Variants in ZBBX observed in about 807,000 individuals in gnomAD.
The protein encoded by ZBBX is zinc finger B-box domain-containing protein 1.
Under a neutral mutation model 108.5 loss-of-function variants are expected in ZBBX, and 101 were observed. The ratio of observed to expected loss-of-function variants is 0.93; its 90% CI spans 0.79 to 1.10. The LOEUF is 1.10. Ranked by LOEUF, ZBBX falls within the 50% of genes least tolerant of loss-of-function variation. ZBBX has a pLI of 0.00. For synonymous variants in ZBBX, 356 were observed against 323.4 expected (o/e 1.10, Z -1.08); for missense variants, 1,009 against 941.4 (o/e 1.07, Z -0.94).
At chr3:167,185,677 T>A in the ZBBX span, among the ~76,000 whole-genome samples, 1 of 152,110 alleles carries the variant, frequency 6.6e-6, no homozygotes, top group Non-Finnish European at 1.5e-5. Context: ...TTAATATCAT[T>A]CACAACCTTG....
chr3:167,204,704 G>A, the ZBBX span, among the ~76,000 whole-genome samples: 5 of 151,234 alleles, frequency 3.3e-5, no homozygotes, highest in African/African-American at 2.4e-5. Context: ...ATAAACATAC[G>A]TGTGCATGTG....
At chr3:167,184,151 T>C in the ZBBX span, among the ~76,000 whole-genome samples, 1 of 152,308 alleles carries the variant, frequency 6.6e-6, no homozygotes, top group East Asian at 1.9e-4. Flanking sequence ...TGAATACCCA[T>C]AGGAGAAACA....
the ZBBX span, among the ~76,000 whole-genome samples, chr3:167,203,482 T>C: frequency 6.6e-6 from 1 of 152,148 alleles, no homozygotes; most frequent in Non-Finnish European, 1.5e-5. Flanking sequence ...TGTGTATGTG[T>C]ACGTATGCTA....
chr3:167,351,811 G>T (rs1387200022), intron 8 of ZBBX, among the ~76,000 whole-genome samples: 1 of 152,114 alleles, frequency 6.6e-6, no homozygotes, highest in Non-Finnish European at 1.5e-5. Flanking sequence ...GGGGAAGCTG[G>T]GTGTTCTCAT....
chr3:167,304,482 G>T (rs1733274536), intron 17 of ZBBX, among the ~76,000 whole-genome samples: 1 of 152,118 alleles, frequency 6.6e-6, no homozygotes, highest in Admixed American at 6.6e-5. Context: ...TTATTTTGTG[G>T]AATCTATTGT....
intron 9 of ZBBX, among the ~76,000 whole-genome samples, chr3:167,348,294 A>AAG (rs1741889496): frequency 3.2e-5 from 2 of 63,458 alleles, no homozygotes; most frequent in African/African-American, 6.9e-5. Context: ...AAGGAAGGAA[A>AAG]GAAGAAAGAG....
chr3:167,316,291 T>C (rs1220716019), intron 14 of ZBBX, among the ~76,000 whole-genome samples: 1 of 152,112 alleles, frequency 6.6e-6, no homozygotes, highest in African/African-American at 2.4e-5. Flanking sequence ...AGCAGAAGCT[T>C]TCAACCTAAA....
upstream of ZBBX, among the ~76,000 whole-genome samples, chr3:167,383,516 T>C (rs1223171268): frequency 6.6e-6 from 1 of 152,058 alleles, no homozygotes; most frequent in Non-Finnish European, 1.5e-5. Flanking sequence ...AAAAGAAACT[T>C]AGAGTTAAGA....
rs1746356232 is a variant in ZBBX, at chr3:167,372,849, A to C, written c.53T>G (p.Val18Gly). Residue 18 changes from valine (V) to glycine (G), a missense_variant, in exon 4 of 22, where the codon GTA becomes GGA. Transcript: ENST00000675490. ...VLPWGKPGNSVKLKYRNAQEL... is the reference protein window; with the variant it reads ...VLPWGKPGNSGKLKYRNAQEL... ...ATGAACTCACCTATATTTTAGCTTT[A>C]CAGAATTTCCAGGTTTTCCCCATGG... The C allele has an allele frequency of 2.5e-6, 4 of 1,574,058 alleles. No homozygotes were observed. The highest frequency in any genetic ancestry group is 1.7e-6 in the Non-Finnish European group (2 of 1,148,854).
chr3:167,333,165 C>A (rs1738953837), intron 10 of ZBBX, among the ~76,000 whole-genome samples: 1 of 151,786 alleles, frequency 6.6e-6, no homozygotes, highest in African/African-American at 2.4e-5. Flanking sequence ...TAACTTCAAC[C>A]CAGACTTGGT....
rs778052769 is a variant in ZBBX at position 167,350,202 on chromosome 3, T to G, written c.528+218A>C. Among the ~76,000 whole-genome samples the G allele has an allele frequency of 1.5e-4, 23 of 152,056 alleles. 1 individual carries two copies. The highest frequency in any genetic ancestry group is 1.2e-3 in the Admixed American group (19 of 15,246). ...TAATCTGAAGACTCTAAGCTGTTTCTGCAACTACGTTAAAACAGTTTAAAT... is the reference window on the plus strand; with the variant it reads ...TAATCTGAAGACTCTAAGCTGTTTCGGCAACTACGTTAAAACAGTTTAAAT... On this transcript the variant is annotated intron_variant, in intron 9 of 21. Coordinates refer to ENST00000675490, the MANE Select transcript of ZBBX (RefSeq NM_001199201.2).
the ZBBX span, among the ~76,000 whole-genome samples, chr3:167,200,820 T>G: frequency 6.6e-6 from 1 of 152,138 alleles, no homozygotes; most frequent in Non-Finnish European, 1.5e-5. Context: ...CATCAAAGTG[T>G]GCCACAAAAG....
intron 12 of ZBBX, among the ~76,000 whole-genome samples, chr3:167,319,648 A>G (rs1736085274): frequency 6.6e-6 from 1 of 152,042 alleles, no homozygotes; most frequent in Non-Finnish European, 1.5e-5. Flanking sequence ...AGATAAAAGC[A>G]TGACACACAA....
chr3:167,404,248 A>G lies in ZBBX; in HGVS notation c.-446+3478T>C, dbSNP rs565536543. 1.6e-3 allele frequency among the ~76,000 whole-genome samples: 249 copies of G among 152,340 alleles called. 1 individual carries two copies. The highest frequency in any genetic ancestry group is 3.3e-3 in the South Asian group (16 of 4,824). ...AAATACATAATATTTCTAAGTGTGC[A>G]TGCTACTTATAATAGAGCTTAAAAG... On this transcript the variant is annotated intron_variant, in intron 1 of 21. Transcript: ENST00000455345.
At chr3:167,289,395 A>G (rs1427321604) in intron 18 of ZBBX, among the ~76,000 whole-genome samples, 1 of 152,160 alleles carries the variant, frequency 6.6e-6, no homozygotes, top group Non-Finnish European at 1.5e-5. Flanking sequence ...TGCATTTCCA[A>G]CTGAGGTACA....
chr3:167,338,686 A>C (rs1739997339), intron 9 of ZBBX, among the ~76,000 whole-genome samples: 1 of 152,264 alleles, frequency 6.6e-6, no homozygotes, highest in East Asian at 1.9e-4. Flanking sequence ...TTGTAACCAC[A>C]GCCTTGAATT....
At chr3:167,260,768 C>T (rs917519280) in intron 20 of ZBBX, among the ~76,000 whole-genome samples, 36 of 152,188 alleles carry the variant, frequency 2.4e-4, no homozygotes, top group African/African-American at 8.4e-4. Context: ...CATTAGGCTT[C>T]GCATTTCTCT....
At chr3:167,350,227 T>A (rs1351918449) in intron 9 of ZBBX, among the ~76,000 whole-genome samples, 193 bp downstream of exon 9, 2 of 152,014 alleles carry the variant, frequency 1.3e-5, no homozygotes, top group Non-Finnish European at 2.9e-5. Context: ...ACAGTTTAAA[T>A]AGTAAAATAG....
At chr3:167,336,906 A>C (rs1431865206) in intron 9 of ZBBX, among the ~76,000 whole-genome samples, 1 of 152,176 alleles carries the variant, frequency 6.6e-6, no homozygotes, top group East Asian at 1.9e-4. Flanking sequence ...CATACCATAT[A>C]AAAAATTTAA....
Sources: allele counts gnomAD v4.1 joint callset (sites outside exome capture counted in the v4.1 genomes callset), GRCh38; gene constraint gnomAD v4.1.1; transcripts MANE v1.5; gene names NCBI Gene and HGNC (gene_info 2026-07-23, HGNC 2026-07-21).